ARL6: variants seen among roughly 807,000 people sequenced by gnomAD.
ARL6 encodes ADP-ribosylation factor-like protein 6.
Under a neutral mutation model 27.1 loss-of-function variants are expected in ARL6, and 18 were observed. That is an observed-to-expected ratio of 0.66 (90% CI 0.46 to 0.98). The LOEUF is 0.98. ARL6 is among the 50% of genes least tolerant of loss of function. The pLI, the probability that ARL6 is intolerant of heterozygous loss-of-function variation, is 0.00. For missense variants in ARL6, 187 were observed against 214.9 expected, an observed-to-expected ratio of 0.87 and a Z score of 0.81; for synonymous variants, 65 against 72.3, an observed-to-expected ratio of 0.90 and a Z score of 0.51.
At chr3:97,771,723 T>C (rs1387883215) in intron 2 of ARL6, among the ~76,000 whole-genome samples, 1 of 151,840 alleles carries the variant, frequency 6.6e-6, no homozygotes, top group East Asian at 1.9e-4. Context: ...TAATCCAATT[T>C]GTTGAGAGTT....
At position 97,774,451 on chromosome 3, in the gene ARL6, G is replaced by A. The variant is rs758506905; in HGVS notation, c.124-5708G>A. Among the ~76,000 whole-genome samples, 9 of 152,012 alleles carry A rather than the reference G, an allele frequency of 5.9e-5. No individual in the cohort carries two copies. The South Asian group carries it at 1.0e-3, about 18-fold the overall frequency. On this transcript the variant is annotated intron_variant, in intron 2 of 7. Coordinates refer to ENST00000463745, the MANE Select transcript of ARL6 (RefSeq NM_001278293.3). The stretch of plus-strand genomic sequence containing the variant: ...GGCCATCACTGTTGTCCCAGGCAGC[G>A]CAGGGTTTATCTCCTCAGACAAAGG...
Position 97,801,201 on chromosome 3 carries a change from TTG to T in ARL6, c.*3156_*3157del, listed in dbSNP as rs752899630. The T allele has an allele frequency of 6.6e-6, 1 of 152,196 alleles. No homozygotes were observed. The highest frequency in any genetic ancestry group is 1.5e-5 in the Non-Finnish European group (1 of 68,036). The allele number at this position is 152,196 out of a possible 1,614,324, so 9.4% of individuals were successfully genotyped here. A position where few individuals can be genotyped will look rare whatever the true frequency, so the allele number is the denominator to read the frequency against. On this transcript the variant is annotated 3_prime_UTR_variant, in exon 8 of 8. Coordinates refer to ENST00000463745, the MANE Select transcript of ARL6 (RefSeq NM_001278293.3). The stretch of plus-strand genomic sequence containing the variant: ...TACAAGGTCACCTAAATAAATAGGT[TTG>T]TGTACGTCTGCGACTAGAGAGAAAT...
At chr3:97,791,907 TTA>T in intron 7 of ARL6, 81 bp downstream of exon 7, 1 of 1,219,926 alleles carries the variant, frequency 8.2e-7, no homozygotes. Flanking sequence ...TTTTATTTTA[TTA>T]TATCATTGCC....
At chr3:97,766,168 T>C (rs1250794357) in intron 1 of ARL6, 3 of 152,054 alleles carry the variant, frequency 2.0e-5, no homozygotes, top group Non-Finnish European at 4.4e-5. Context: ...GGGGGGAAAA[T>C]GTGAGAAGTT....
intron 7 of ARL6, among the ~76,000 whole-genome samples, chr3:97,795,563 A>G (rs1288226683): frequency 1.3e-5 from 2 of 152,208 alleles, no homozygotes; most frequent in Admixed American, 6.5e-5. Context: ...GAAAATGGCA[A>G]CCAAATTTTG....
Position 97,768,196 on chromosome 3 carries a change from A to G in ARL6, c.89A>G (p.Lys30Arg). The change falls in exon 2 of 8, where the codon AAA (lysine) becomes AGA (arginine). Residue 30 changes from lysine to arginine, a missense_variant. By Grantham distance (26) the Lys-to-Arg change is conservative. Coordinates refer to ENST00000463745, the MANE Select transcript of ARL6 (RefSeq NM_001278293.3). ...TGCCTTGGGCTAGATAATAGTGGCA[A>G]AACGACGATCATTAACAAACTTAAA... ...VLCLGLDNSG[K>R]TTIINKLKPS... 2 of 1,613,052 alleles carry G rather than the reference A, an allele frequency of 1.2e-6. No homozygotes were observed. The highest frequency in any genetic ancestry group is 1.7e-6 in the Non-Finnish European group (2 of 1,179,124).
intron 4 of ARL6, among the ~76,000 whole-genome samples, chr3:97,780,974 A>C (rs1160333739): frequency 6.6e-6 from 1 of 152,078 alleles, no homozygotes; most frequent in Non-Finnish European, 1.5e-5. Context: ...ACTCAGCTAA[A>C]AGTCCTTTCC....
rs1207825729 is a variant in ARL6, at chr3:97,799,910, A to G, written c.*1861A>G. ...ATATATCTGCCAGAATAACAATTAA[A>G]ATGATAGAAAAGGCTCTTACTTGGG... On this transcript the variant is annotated 3_prime_UTR_variant, in exon 8 of 8. Transcript: ENST00000463745. 6.6e-6 allele frequency: 1 copy of G among 152,134 alleles called. No individual in the cohort carries two copies. 9.4% of individuals were successfully genotyped at this position (152,134 alleles called of 1,614,324 possible). A position where few individuals can be genotyped will look rare whatever the true frequency, so the allele number is the denominator to read the frequency against.
chr3:97,765,211 G>GGGGTGTGTGT (rs373304649), intron 1 of ARL6, among the ~76,000 whole-genome samples: 13 of 105,614 alleles, frequency 1.2e-4, no homozygotes, highest in South Asian at 6.8e-4. Flanking sequence ...GTGTATTGGG[G>GGGGTGTGTGT]GTGTGTGTGT....
At chr3:97,790,466 G>A (rs185829171) in intron 6 of ARL6, among the ~76,000 whole-genome samples, 15 of 152,048 alleles carry the variant, frequency 9.9e-5, no homozygotes, top group African/African-American at 3.4e-4. Context: ...CAAGATTTTC[G>A]CTTTATTCTT....
At chr3:97,774,083 G>A (rs2036768885) in intron 2 of ARL6, among the ~76,000 whole-genome samples, 1 of 152,212 alleles carries the variant, frequency 6.6e-6, no homozygotes, top group South Asian at 2.1e-4. Context: ...TACCTCCGTT[G>A]TGGAGTGATA....
At chr3:97,784,813 A>C in intron 4 of ARL6, 142 bp from the exon 5 acceptor site, 1 of 579,756 alleles carries the variant, frequency 1.7e-6, no homozygotes, top group South Asian at 2.4e-5. Flanking sequence ...TAAACTAATA[A>C]GAAACAACAC....
chr3:97,791,886 C>A (rs1381238309), intron 7 of ARL6, 60 bp downstream of exon 7: 3 of 1,438,920 alleles, frequency 2.1e-6, no homozygotes, highest in East Asian at 4.8e-5. Context: ...ATATTTTTAT[C>A]TTTTTTTACA....
intron 1 of ARL6, among the ~76,000 whole-genome samples, chr3:97,765,209 GGGGTGTGTGTGTGTGTGTGT>G (rs751479987): frequency 0.092 from 11,835 of 128,130 alleles, 607 homozygotes; most frequent in Non-Finnish European, 0.13. Context: ...CCGTGTATTG[GGGGTGTGTGTGTGTGTGTGT>G]GTGTGTGTGT....
At chr3:97,782,474 T>C (rs542425444) in intron 4 of ARL6, among the ~76,000 whole-genome samples, 108 of 152,032 alleles carry the variant, frequency 7.1e-4, no homozygotes, top group African/African-American at 2.4e-3. Flanking sequence ...GTAAATTTAC[T>C]TTCCCTATTT....
chr3:97,776,319 G>T (rs1559676069), intron 2 of ARL6, among the ~76,000 whole-genome samples: 2 of 152,006 alleles, frequency 1.3e-5, no homozygotes. Context: ...CAGCCTGTGT[G>T]TATCTTCATA....
At chr3:97,790,912 T>C (rs1338638349) in intron 6 of ARL6, among the ~76,000 whole-genome samples, 1 of 152,162 alleles carries the variant, frequency 6.6e-6, no homozygotes, top group Non-Finnish European at 1.5e-5. Flanking sequence ...ATCATATATA[T>C]TAATTGCTAT....
In ARL6 at chr3:97,798,521, A is replaced by G. The variant is rs1303930713; in HGVS notation, c.*472A>G. 1 of 153,704 alleles carries G rather than the reference A, an allele frequency of 6.5e-6. No individual in the cohort carries two copies. Among genetic ancestry groups the G allele is most frequent in the African/African-American group, 2.4e-5 (1 of 41,464 alleles). 9.5% of individuals were successfully genotyped at this position (153,704 alleles called of 1,614,324 possible). A position where few individuals can be genotyped will look rare whatever the true frequency, so the allele number is the denominator to read the frequency against. On this transcript the variant is annotated 3_prime_UTR_variant, in exon 8 of 8. Transcript: ENST00000463745. ...CTATGTGTCACTGTCAATAAAATGT[A>G]AAATATAATGTGCCAACTAGTGCGC...
At chr3:97,797,761 T>G (rs552238823) in intron 7 of ARL6, among the ~76,000 whole-genome samples, 1 of 152,128 alleles carries the variant, frequency 6.6e-6, no homozygotes, top group African/African-American at 2.4e-5. Flanking sequence ...GAATTGTGCT[T>G]TTAAAAAAGC....
Sources: allele counts gnomAD v4.1 joint callset (sites outside exome capture counted in the v4.1 genomes callset), GRCh38; gene constraint gnomAD v4.1.1; transcripts MANE v1.5; gene names NCBI Gene and HGNC (gene_info 2026-07-23, HGNC 2026-07-21).